Variants in IPMK observed in about 807,000 individuals in gnomAD.
IPMK encodes the protein inositol polyphosphate multikinase.
A neutral mutation model predicts 45.8 loss-of-function variants in IPMK; 17 were observed. That is an observed-to-expected ratio of 0.37 (90% CI 0.25 to 0.56). The LOEUF is 0.56. Ranked by LOEUF, IPMK falls within the 20% of genes least tolerant of loss-of-function variation. IPMK has a pLI of 0.79. For synonymous variants in IPMK, 180 were observed against 184.3 expected, an observed-to-expected ratio of 0.98 and a Z score of 0.19; for missense variants, 399 against 498.0, an observed-to-expected ratio of 0.80 and a Z score of 1.89.
intron 1 of IPMK, among the ~76,000 whole-genome samples, chr10:58,266,908 G>T (rs551131335): frequency 1.3e-5 from 2 of 152,050 alleles, no homozygotes; most frequent in Non-Finnish European, 2.9e-5. Flanking sequence ...AAAAATCACG[G>T]ACAAGCTTTC....
At chr10:58,266,672 A>G (rs560690727) in intron 1 of IPMK, among the ~76,000 whole-genome samples, 2 of 152,376 alleles carry the variant, frequency 1.3e-5, no homozygotes, top group Non-Finnish European at 2.9e-5. Context: ...GATGAATTAG[A>G]GTTCCTAAAC....
intron 1 of IPMK, among the ~76,000 whole-genome samples, chr10:58,243,564 T>A (rs1157031054): frequency 6.6e-6 from 1 of 152,184 alleles, no homozygotes; most frequent in Non-Finnish European, 1.5e-5. Context: ...AAAACGAGGT[T>A]TCCCCGTGTT....
intron 4 of IPMK, among the ~76,000 whole-genome samples, chr10:58,211,938 G>A (rs1384019357): frequency 8.2e-6 from 1 of 122,090 alleles, no homozygotes; most frequent in Non-Finnish European, 1.7e-5. Context: ...TGTTTTCATT[G>A]TTGTGGTTGT....
At chr10:58,240,745 T>A (rs1438595053) in intron 1 of IPMK, among the ~76,000 whole-genome samples, 1 of 151,398 alleles carries the variant, frequency 6.6e-6, no homozygotes, top group Non-Finnish European at 1.5e-5. Flanking sequence ...GGGGTTAGAA[T>A]AATAAAGCTA....
intron 2 of IPMK, among the ~76,000 whole-genome samples, chr10:58,233,126 C>A (rs2590320): frequency 0.34 from 51,487 of 151,928 alleles, 10,969 homozygotes; most frequent in African/African-American, 0.61. Context: ...ACTAGGAAGA[C>A]GTTGCACCTC....
chr10:58,226,625 T>G (rs954207205), intron 3 of IPMK, among the ~76,000 whole-genome samples: 2 of 152,160 alleles, frequency 1.3e-5, no homozygotes, highest in Non-Finnish European at 2.9e-5. Context: ...ACCAGTGCTT[T>G]TCAGAAGACT....
In IPMK at chr10:58,196,465, C is replaced by T. The variant is rs748319721; in HGVS notation, c.862G>A (p.Val288Ile). 1.2e-6 allele frequency: 2 copies of T among 1,614,132 alleles called. No individual in the cohort carries two copies. The change falls in exon 6 of 6, where the codon GTA becomes ATA. Residue 288 changes from valine (V) to isoleucine (I), a missense_variant. Coordinates refer to ENST00000373935, the MANE Select transcript of IPMK (RefSeq NM_152230.5). ...TGAAAGTTATTATTGTACTCTAGTA[C>T]TTCTGTGTCTGACAGTTGTCCTTTG... ...LSKGQLSDTE[V>I]LEYNNNFHVL...
chr10:58,247,106 G>T (rs898402291), intron 1 of IPMK, among the ~76,000 whole-genome samples: 3 of 149,952 alleles, frequency 2.0e-5, no homozygotes, highest in Non-Finnish European at 4.4e-5. Context: ...CACAATGAGA[G>T]ACCATTTCAC....
chr10:58,199,722 A>G (rs1837969977), intron 4 of IPMK, among the ~76,000 whole-genome samples: 1 of 152,188 alleles, frequency 6.6e-6, no homozygotes, highest in South Asian at 2.1e-4. Context: ...AGTAAATGCA[A>G]TTAGAGAGAA....
chr10:58,213,459 C>A (rs1159760341), intron 4 of IPMK, among the ~76,000 whole-genome samples: 1 of 152,102 alleles, frequency 6.6e-6, no homozygotes, highest in Non-Finnish European at 1.5e-5. Flanking sequence ...CCAAGGCGGG[C>A]GGATCACAAG....
chr10:58,256,163 T>C (rs983280875), intron 1 of IPMK, among the ~76,000 whole-genome samples: 1 of 152,158 alleles, frequency 6.6e-6, no homozygotes, highest in Admixed American at 6.5e-5. Context: ...CAATAAGGTG[T>C]GACTGCCTGC....
intron 1 of IPMK, among the ~76,000 whole-genome samples, chr10:58,257,292 C>T (rs1000025768): frequency 4.6e-5 from 7 of 152,012 alleles, no homozygotes; most frequent in Admixed American, 3.9e-4. Context: ...GTCAGGAGTT[C>T]GAGACAAGCC....
At chr10:58,219,441 A>T (rs528111602) in intron 3 of IPMK, among the ~76,000 whole-genome samples, 1 of 152,318 alleles carries the variant, frequency 6.6e-6, no homozygotes, top group African/African-American at 2.4e-5. Context: ...AAATCTGATT[A>T]TTAATTCACC....
In IPMK at chr10:58,237,810, T is replaced by G; in HGVS notation, c.195A>C (p.Ile65=). 1 of 1,612,290 alleles carries G rather than the reference T, an allele frequency of 6.2e-7. No homozygotes were observed. Among genetic ancestry groups the G allele is most frequent in the Non-Finnish European group, 8.5e-7 (1 of 1,178,376 alleles). ...AAACTGTGCCATCTGGATGTTGCAG[T>G]ATACCTATGGAACAAAAATCAGAAA... ...GHMYGKDKVG[I]LQHPDGTVLK... Residue 65 remains isoleucine, a synonymous_variant, in exon 2 of 6, where the codon ATA becomes ATC. Transcript: ENST00000373935.
At chr10:58,263,913 G>A (rs1190497122) in intron 1 of IPMK, among the ~76,000 whole-genome samples, 1 of 152,114 alleles carries the variant, frequency 6.6e-6, no homozygotes, top group African/African-American at 2.4e-5. Context: ...ATGTCATAAA[G>A]GACAGGGAAA....
At position 58,191,912 on chromosome 10, in the gene IPMK, A is replaced by G. The variant is rs1165690637; in HGVS notation, c.*4164T>C. 1 of 152,148 alleles carries G rather than the reference A, an allele frequency of 6.6e-6. No homozygotes were observed. Among genetic ancestry groups the G allele is most frequent in the East Asian group, 1.9e-4 (1 of 5,204 alleles). 9.4% of individuals were successfully genotyped at this position (152,148 alleles called of 1,614,324 possible). A position where few individuals can be genotyped will look rare whatever the true frequency, so the allele number is the denominator to read the frequency against. On this transcript the variant is annotated 3_prime_UTR_variant, in exon 6 of 6. Coordinates refer to ENST00000373935, the MANE Select transcript of IPMK (RefSeq NM_152230.5). ...GCCATTTTCATTTATATGCAGGTGC[A>G]TCATACATCATACTTAAAACTATTT...
Position 58,196,469 on chromosome 10 carries a change from T to G in IPMK, c.858A>C (p.Thr286=). Residue 286 remains threonine (T), a synonymous_variant, in exon 6 of 6, where the codon ACA becomes ACC. Coordinates refer to ENST00000373935, the MANE Select transcript of IPMK (RefSeq NM_152230.5). The part of the protein sequence containing the change: ...KFLSKGQLSD[T]EVLEYNNNFH... ...AGTTATTATTGTACTCTAGTACTTC[T>G]GTGTCTGACAGTTGTCCTTTGGACA... The G allele has an allele frequency of 1.2e-6, 2 of 1,614,162 alleles. No homozygotes were observed. The highest frequency in any genetic ancestry group is 1.7e-6 in the Non-Finnish European group (2 of 1,180,020).
chr10:58,203,915 CA>C (rs1838033398), intron 4 of IPMK, among the ~76,000 whole-genome samples: 2 of 152,296 alleles, frequency 1.3e-5, no homozygotes, highest in South Asian at 4.1e-4. Context: ...TGCAGGCACT[CA>C]AACCTTCAGC....
intron 4 of IPMK, among the ~76,000 whole-genome samples, chr10:58,205,095 G>A (rs1403963992): frequency 6.6e-6 from 1 of 152,032 alleles, no homozygotes; most frequent in Non-Finnish European, 1.5e-5. Flanking sequence ...TGTATCATAA[G>A]TCTCAATACA....
Sources: gnomAD v4.1 joint callset for allele counts (sites outside exome capture counted in the v4.1 genomes callset) on GRCh38, gnomAD v4.1.1 for gene constraint, MANE v1.5 for transcripts, NCBI Gene and HGNC (gene_info 2026-07-23, HGNC 2026-07-21) for gene names.